The following KCNH5 variants were observed in gnomAD, a reference collection of about 807,000 sequenced individuals.
KCNH5 encodes potassium voltage-gated channel subfamily H member 5, also known as voltage-gated delayed rectifier potassium channel KCNH5.
A neutral mutation model predicts 96.1 loss-of-function variants in KCNH5; 46 were observed. That is an observed-to-expected ratio of 0.48 (90% CI 0.38 to 0.61). The LOEUF (loss-of-function observed/expected upper bound fraction) is 0.61. Among genes scored for constraint, KCNH5 ranks in the 20% least tolerant of loss-of-function variants. KCNH5 has a pLI of 0.00. For synonymous variants in KCNH5, 439 were observed against 449.8 expected (o/e 0.98, Z 0.30); for missense variants, 907 against 1,225.8 (o/e 0.74, Z 3.88).
chr14:62,741,786 C>T lies in KCNH5; in HGVS notation c.2020-33331G>A, dbSNP rs192045549. On this transcript the variant is annotated intron_variant, in intron 10 of 10. Coordinates refer to ENST00000322893, the MANE Select transcript of KCNH5 (RefSeq NM_139318.5). ...TCCTGCTTTTATTTTACGGTAGCCT[C>T]TACATTTGTGTTTTAAAATAAATCT... Among the ~76,000 whole-genome samples the T allele has an allele frequency of 1.7e-3, 261 of 152,188 alleles. 2 individuals are homozygous for T. Among genetic ancestry groups the T allele is most frequent in the African/African-American group, 6.2e-3 (256 of 41,524 alleles).
Position 62,950,270 on chromosome 14 carries a change from C to T in KCNH5, c.1232G>A (p.Gly411Glu). The change falls in exon 7 of 11, where the codon GGA (glycine) becomes GAA (glutamate). Residue 411 changes from glycine (G) to glutamate (E), a missense_variant. Around this residue, in one of 6 missense-constraint regions of KCNH5, gnomAD observed 370 missense variants for 561.3 expected, o/e 0.66. Coordinates refer to ENST00000322893, the MANE Select transcript of KCNH5 (RefSeq NM_139318.5). ...RYNTSAGIWE[G>E]GPSKDSLYVS... ...GTACAATGAATCCTTGCTGGGTCCTCCTTCCCATATCCCAGCACTGGTATT... is the reference window on the plus strand; with the variant it reads ...GTACAATGAATCCTTGCTGGGTCCTTCTTCCCATATCCCAGCACTGGTATT... 6.2e-7 allele frequency: 1 copy of T among 1,614,002 alleles called. No homozygotes were observed. The highest frequency in any genetic ancestry group is 8.5e-7 in the Non-Finnish European group (1 of 1,179,960).
intron 2 of KCNH5, among the ~76,000 whole-genome samples, chr14:63,006,938 A>T (rs899897141): frequency 6.6e-6 from 1 of 152,238 alleles, no homozygotes; most frequent in Non-Finnish European, 1.5e-5. Flanking sequence ...TCAGTGATAA[A>T]CCCATATGAC....
chr14:62,744,890 A>G (rs1885344269), intron 10 of KCNH5, among the ~76,000 whole-genome samples: 1 of 152,190 alleles, frequency 6.6e-6, no homozygotes, highest in Admixed American at 6.5e-5. Flanking sequence ...TTGGGAAAAA[A>G]TCAAGTTAAA....
At chr14:62,842,105 A>G (rs1414972566) in intron 8 of KCNH5, among the ~76,000 whole-genome samples, 2 of 152,244 alleles carry the variant, frequency 1.3e-5, no homozygotes, top group African/African-American at 2.4e-5. Flanking sequence ...ACAGCCTAAG[A>G]TTTGACACAT....
intron 9 of KCNH5, among the ~76,000 whole-genome samples, chr14:62,787,389 A>T (rs1036487536): frequency 6.6e-6 from 1 of 152,194 alleles, no homozygotes; most frequent in Non-Finnish European, 1.5e-5. Flanking sequence ...GAAAAGTTTG[A>T]AGCTAGCAGA....
chr14:62,950,839 A>C (rs1889990970), intron 6 of KCNH5, among the ~76,000 whole-genome samples: 1 of 152,226 alleles, frequency 6.6e-6, no homozygotes, highest in Non-Finnish European at 1.5e-5. Context: ...GTAGAATATA[A>C]ATGGTACAGA....
At chr14:62,846,948 C>T (rs1198916116) in intron 8 of KCNH5, among the ~76,000 whole-genome samples, 4 of 148,336 alleles carry the variant, frequency 2.7e-5, no homozygotes, top group Non-Finnish European at 6.0e-5. Flanking sequence ...CTACAGGCGC[C>T]CGCCAGCACG....
intron 10 of KCNH5, among the ~76,000 whole-genome samples, chr14:62,709,093 C>T (rs1884509926): frequency 1.3e-5 from 2 of 151,410 alleles, no homozygotes; most frequent in African/African-American, 2.4e-5. Context: ...ATTAGCCGGG[C>T]GCAGTGGCGG....
intron 10 of KCNH5, among the ~76,000 whole-genome samples, chr14:62,776,237 A>G (rs1886092735): frequency 6.6e-6 from 1 of 152,014 alleles, no homozygotes; most frequent in South Asian, 2.1e-4. Flanking sequence ...ACTGCACTCC[A>G]GCCTGGGTGA....
chr14:62,809,320 T>A (rs975175934), intron 8 of KCNH5, among the ~76,000 whole-genome samples: 1 of 152,104 alleles, frequency 6.6e-6, no homozygotes, highest in Non-Finnish European at 1.5e-5. Flanking sequence ...ACTGGAGAAA[T>A]TGGTTATTTT....
At chr14:62,902,063 G>GT (rs200749834) in intron 7 of KCNH5, among the ~76,000 whole-genome samples, 1,987 of 150,946 alleles carry the variant, frequency 0.013, 22 homozygotes, top group African/African-American at 0.026. Context: ...ATTTTAATGG[G>GT]TTTTTTTTTC....
chr14:62,797,376 A>T lies in KCNH5; in HGVS notation c.1822+4953T>A, dbSNP rs1886562424. The stretch of plus-strand genomic sequence containing the variant: ...AACAACTGATTTGCCCTTTATAAAA[A>T]TATCTGAATTAAGTAATTTCATCAT... On this transcript the variant is annotated intron_variant, in intron 9 of 10. Coordinates refer to ENST00000322893, the MANE Select transcript of KCNH5 (RefSeq NM_139318.5). Among the ~76,000 whole-genome samples the T allele has an allele frequency of 2.6e-5, 4 of 152,250 alleles. 1 individual carries two copies. The South Asian group carries it at 8.3e-4, about 32-fold the overall frequency.
chr14:63,004,435 G>A (rs1042233633), intron 3 of KCNH5, among the ~76,000 whole-genome samples: 2 of 152,154 alleles, frequency 1.3e-5, no homozygotes, highest in African/African-American at 4.8e-5. Context: ...TCTGCATAGA[G>A]AGTTATCTGG....
At position 63,041,587 on chromosome 14, in the gene KCNH5, C is replaced by A. The variant is rs1891825066; in HGVS notation, c.73+3527G>T. 2.0e-5 allele frequency among the ~76,000 whole-genome samples: 3 copies of A among 152,114 alleles called. No individual in the cohort carries two copies. The South Asian group carries it at 6.2e-4, about 31-fold the overall frequency. Reference sequence around the variant, plus strand: ...AGAGTAATAATGTTCTCTATATTTACTAGAATCACATGCTAAGAATTATTA... The same window carrying A: ...AGAGTAATAATGTTCTCTATATTTAATAGAATCACATGCTAAGAATTATTA... On this transcript the variant is annotated intron_variant, in intron 1 of 10. Coordinates refer to ENST00000322893, the MANE Select transcript of KCNH5 (RefSeq NM_139318.5).
chr14:62,902,404 G>A (rs191551432), intron 7 of KCNH5, among the ~76,000 whole-genome samples: 77 of 152,006 alleles, frequency 5.1e-4, no homozygotes, highest in African/African-American at 1.7e-3. Flanking sequence ...GTGGTGAAAG[G>A]TAGGGATTTA....
chr14:62,775,511 AGAGT>A (rs1324957785), intron 10 of KCNH5, among the ~76,000 whole-genome samples: 2 of 152,232 alleles, frequency 1.3e-5, no homozygotes. Context: ...ATGTCCTACC[AGAGT>A]GAGTAACAGC....
At chr14:62,973,379 T>G (rs1485380198) in intron 6 of KCNH5, among the ~76,000 whole-genome samples, 1 of 152,178 alleles carries the variant, frequency 6.6e-6, no homozygotes, top group East Asian at 1.9e-4. Flanking sequence ...AACTTAATCC[T>G]CAATGCAATA....
At chr14:62,733,322 C>A (rs112433488) in intron 10 of KCNH5, among the ~76,000 whole-genome samples, 1 of 151,918 alleles carries the variant, frequency 6.6e-6, no homozygotes, top group South Asian at 2.1e-4. Flanking sequence ...GATTAGTGTC[C>A]CATCATGAAG....
intron 8 of KCNH5, among the ~76,000 whole-genome samples, chr14:62,818,418 G>C (rs951815659): frequency 6.6e-6 from 1 of 151,904 alleles, no homozygotes. Flanking sequence ...AATTTCGAAA[G>C]GTTCTAAAAC....
Sources: gnomAD v4.1 joint callset for allele counts (sites outside exome capture counted in the v4.1 genomes callset) on GRCh38, gnomAD v4.1.1 for gene constraint, gnomAD v4.1.1 regional missense constraint, MANE v1.5 for transcripts, NCBI Gene and HGNC (gene_info 2026-07-23, HGNC 2026-07-21) for gene names.